The following BAX variants were observed in gnomAD, a reference collection of about 807,000 sequenced individuals.
The protein encoded by BAX is apoptosis regulator BAX.
BAX carries 21 observed loss-of-function variants against 26.8 expected under a neutral mutation model. The observed-to-expected ratio is 0.78, with a 90% CI of 0.56 to 1.13. BAX has a LOEUF of 1.13. Among genes scored for constraint, BAX ranks in the 50% most tolerant of loss-of-function variants. The pLI, the probability that BAX is intolerant of heterozygous loss-of-function variation, is 0.00. For synonymous variants in BAX, 110 were observed against 101.8 expected, an observed-to-expected ratio of 1.08 and a Z score of -0.49; for missense variants, 236 against 254.6, an observed-to-expected ratio of 0.93 and a Z score of 0.50.
rs2038064481 is a variant in BAX, at chr19:48,954,965, G to A, written c.34+3G>A. ...CGGGGAGCAGCCCAGAGGCGGGGGT[G>A]AGGCGGGAGGCAGACGGGCGGGAGG... On this transcript the variant is annotated splice_donor_region_variant and intron_variant, in intron 1 of 5. Transcript: ENST00000345358. 8.1e-7 allele frequency: 1 copy of A among 1,240,388 alleles called. No individual in the cohort carries two copies. Among genetic ancestry groups the A allele is most frequent in the Non-Finnish European group, 1.0e-6 (1 of 991,624 alleles). 76.8% of individuals were successfully genotyped at this position (1,240,388 alleles called of 1,614,324 possible).
At chr19:48,956,373 C>G in intron 4 of BAX, 40 bp downstream of exon 4, 2 of 1,484,988 alleles carry the variant, frequency 1.3e-6, no homozygotes, top group Non-Finnish European at 1.8e-6. Flanking sequence ...GATGCTCCCC[C>G]TCAGATCTGT....
At chr19:48,960,350 C>T (rs1195888920) in intron 4 of BAX, 1 of 356,074 alleles carries the variant, frequency 2.8e-6, no homozygotes, top group African/African-American at 2.2e-5. Context: ...CCTGCCACCA[C>T]ACCCAGCTAA....
In BAX at chr19:48,954,894, G is replaced by T. The variant is rs551066524; in HGVS notation, c.-35G>T. ...CCGGGCGCGCTGCGGCCGCCCGCGC[G>T]GACCCGGCGAGAGGCGGCGGCGGGA... On this transcript the variant is annotated 5_prime_UTR_variant, in exon 1 of 6. Transcript: ENST00000345358. 8.1e-6 allele frequency: 10 copies of T among 1,228,518 alleles called. No homozygotes were observed. Among genetic ancestry groups the T allele is most frequent in the Admixed American group, 4.2e-5 (1 of 23,838 alleles). The allele number at this position is 1,228,518 out of a possible 1,614,324, so 76.1% of individuals were successfully genotyped here. A position where few individuals can be genotyped will look rare whatever the true frequency, so the allele number is the denominator to read the frequency against.
chr19:48,957,056 T>C (rs1375160965), intron 4 of BAX, among the ~76,000 whole-genome samples: 2 of 150,188 alleles, frequency 1.3e-5, no homozygotes, highest in Non-Finnish European at 3.0e-5. Flanking sequence ...TGCAGTGATC[T>C]ATAGTGATCG....
chr19:48,959,349 C>CAAAAAA (rs71179067), intron 4 of BAX, among the ~76,000 whole-genome samples: 7 of 73,026 alleles, frequency 9.6e-5, no homozygotes, highest in Non-Finnish European at 1.3e-4. Flanking sequence ...GACTCCGTCT[C>CAAAAAA]AAAAAAAAAA....
rs372722321 is a variant in BAX at position 48,956,136 on chromosome 19, G to A, written c.234-62G>A. The A allele has an allele frequency of 2.9e-5, 42 of 1,452,734 alleles. 2 individuals carry two copies. Among genetic ancestry groups the A allele is most frequent in the South Asian group, 2.8e-4 (19 of 67,594 alleles). The allele number at this position is 1,452,734 out of a possible 1,614,324, so 90.0% of individuals were successfully genotyped here. A position where few individuals can be genotyped will look rare whatever the true frequency, so the allele number is the denominator to read the frequency against. ...CTTATCTTTAGTGTGCGGTGGATGCGGGAATTTTCCACCATCAGCCTGATG... is the reference window on the plus strand; with the variant it reads ...CTTATCTTTAGTGTGCGGTGGATGCAGGAATTTTCCACCATCAGCCTGATG... On this transcript the variant is annotated intron_variant, in intron 3 of 5. Coordinates refer to ENST00000345358, the MANE Select transcript of BAX (RefSeq NM_138761.4).
chr19:48,955,528 T>G lies in BAX; in HGVS notation c.35-20T>G, dbSNP rs747305595. ...AGAACCCAAGAGTCCAGGTACCTCT[T>G]CCCTTCCTTTCTCCTCTAGGGCCCA... On this transcript the variant is annotated intron_variant, in intron 1 of 5. Coordinates refer to ENST00000345358, the MANE Select transcript of BAX (RefSeq NM_138761.4). 51 of 1,608,490 alleles carry G rather than the reference T, an allele frequency of 3.2e-5. No individual in the cohort carries two copies. The highest frequency in any genetic ancestry group is 4.2e-5 in the Non-Finnish European group (50 of 1,177,382).
chr19:48,960,538 T>C (rs552607946), intron 4 of BAX, among the ~76,000 whole-genome samples: 1 of 152,294 alleles, frequency 6.6e-6, no homozygotes, highest in East Asian at 1.9e-4. Context: ...TAATTTTGTA[T>C]TTTTAGTAGA....
At chr19:48,958,323 G>A (rs962598169) in intron 4 of BAX, among the ~76,000 whole-genome samples, 7 of 150,162 alleles carry the variant, frequency 4.7e-5, no homozygotes, top group African/African-American at 1.2e-4. Flanking sequence ...CTCCAACAGG[G>A]AGGGATATTT....
At chr19:48,957,265 C>CTTTTTTTTTTTTTTTTTTTTTTT (rs61415800) in intron 4 of BAX, among the ~76,000 whole-genome samples, 1 of 54,934 alleles carries the variant, frequency 1.8e-5, no homozygotes, top group African/African-American at 7.9e-5. Flanking sequence ...TTTTTCTTTT[C>CTTTTTTTTTTTTTTTTTTTTTTT]TTTTTTTTTT....
chr19:48,957,292 T>G (rs1233786278), intron 4 of BAX, among the ~76,000 whole-genome samples: 1 of 139,486 alleles, frequency 7.2e-6, no homozygotes, highest in South Asian at 2.4e-4. Flanking sequence ...TTTTTTTTTT[T>G]GAGACAGAGT....
chr19:48,960,356 G>C (rs1440840168), intron 4 of BAX: 4 of 349,026 alleles, frequency 1.1e-5, no homozygotes, highest in African/African-American at 4.4e-5. Context: ...ACCACACCCA[G>C]CTAATTTTTG....
At chr19:48,955,326 T>C (rs1600100602) in intron 1 of BAX, 2 of 510,136 alleles carry the variant, frequency 3.9e-6, no homozygotes, top group Non-Finnish European at 6.7e-6. Flanking sequence ...AGCGTTCCCC[T>C]AGCCTCTTTC....
Position 48,956,198 on chromosome 19 carries a change from G to A in BAX, c.234G>A (p.Arg78=). The A allele has an allele frequency of 6.5e-7, 1 of 1,527,734 alleles. No homozygotes were observed. The highest frequency in any genetic ancestry group is 8.8e-7 in the Non-Finnish European group (1 of 1,137,036). 94.6% of individuals were successfully genotyped at this position (1,527,734 alleles called of 1,614,324 possible). ...GCACTGGTTCTCCTCTCTCCTGCAG[G>A]ATGATTGCCGCCGTGGACACAGACT... ...DELDSNMELQ[R]MIAAVDTDSP... Residue 78 remains arginine (R), a splice_region_variant and synonymous_variant, in exon 4 of 6, where the codon AGG becomes AGA. Coordinates refer to ENST00000345358, the MANE Select transcript of BAX (RefSeq NM_138761.4).
rs182509214 is a variant in BAX at position 48,961,248 on chromosome 19, T to G, written c.475-284T>G. On this transcript the variant is annotated intron_variant, in intron 5 of 5. Transcript: ENST00000345358. ...TGATGACCCTCTGACCCTAGCTCTT[T>G]CCTTTTTTTTTTTTTCCCCACTGAG... 7.5e-4 allele frequency: 1,069 copies of G among 1,431,954 alleles called. 18 individuals carry two copies. The East Asian group carries it at 0.02, about 27-fold the overall frequency. 88.7% of individuals were successfully genotyped at this position (1,431,954 alleles called of 1,614,324 possible).
In BAX at chr19:48,954,883, GC is replaced by G. The variant is rs2038057708; in HGVS notation, c.-44del. 8.2e-7 allele frequency: 1 copy of G among 1,224,908 alleles called. No individual in the cohort carries two copies. Among genetic ancestry groups the G allele is most frequent in the African/African-American group, 1.6e-5 (1 of 64,064 alleles). The allele number at this position is 1,224,908 out of a possible 1,614,324, so 75.9% of individuals were successfully genotyped here. ...TCTCACGTGACCCGGGCGCGCTGCG[GC>G]CGCCCGCGCGGACCCGGCGAGAGGC... On this transcript the variant is annotated 5_prime_UTR_variant, in exon 1 of 6. Transcript: ENST00000345358.
intron 5 of BAX, chr19:48,961,292 G>C: frequency 7.1e-7 from 1 of 1,404,098 alleles, no homozygotes; most frequent in Non-Finnish European, 9.3e-7. Flanking sequence ...TCGCTATGTT[G>C]CCCAGGTTGG....
intron 4 of BAX, among the ~76,000 whole-genome samples, chr19:48,958,598 C>T (rs2038228199): frequency 6.7e-6 from 1 of 149,892 alleles, no homozygotes; most frequent in South Asian, 2.1e-4. Context: ...GGCTGGAGTG[C>T]AGTGGCGCGA....
At chr19:48,959,733 G>A (rs2038281225) in intron 4 of BAX, among the ~76,000 whole-genome samples, 1 of 150,936 alleles carries the variant, frequency 6.6e-6, no homozygotes, top group Non-Finnish European at 1.5e-5. Flanking sequence ...GGCTCAGGCA[G>A]GAGGATCACT....
Sources: allele counts gnomAD v4.1 joint callset (sites outside exome capture counted in the v4.1 genomes callset), GRCh38; gene constraint gnomAD v4.1.1; transcripts MANE v1.5; gene names NCBI Gene and HGNC (gene_info 2026-07-23, HGNC 2026-07-21).